TAMM41: variants seen among roughly 807,000 people sequenced by gnomAD.
The protein encoded by TAMM41 is phosphatidate cytidylyltransferase, mitochondrial.
Under a neutral mutation model 44.1 loss-of-function variants are expected in TAMM41, and 36 were observed. The observed-to-expected ratio is 0.82, with a 90% CI of 0.63 to 1.08. The LOEUF (loss-of-function observed/expected upper bound fraction) is 1.08, where lower values mean the gene tolerates loss of function less well. Ranked by LOEUF, TAMM41 falls within the 50% of genes least tolerant of loss-of-function variation. The pLI is 0.00. For missense variants in TAMM41, 417 were observed against 404.3 expected (o/e 1.03, Z -0.27); for synonymous variants, 164 against 153.1 (o/e 1.07, Z -0.53).
chr3:11,839,879 G>GT (rs1248564503), intron 2 of TAMM41, among the ~76,000 whole-genome samples: 2 of 152,074 alleles, frequency 1.3e-5, no homozygotes, highest in Non-Finnish European at 2.9e-5. Context: ...CAAGACTTGT[G>GT]AGTTCTCCAA....
At chr3:11,755,543 G>A in the TAMM41 span, among the ~76,000 whole-genome samples, 5 of 152,170 alleles carry the variant, frequency 3.3e-5, no homozygotes, top group African/African-American at 7.2e-5. Context: ...GAATTCACAC[G>A]AGGAGAACTG....
chr3:11,815,485 C>A (rs906203339), intron 5 of TAMM41, among the ~76,000 whole-genome samples: 2 of 152,150 alleles, frequency 1.3e-5, no homozygotes, highest in Non-Finnish European at 2.9e-5. Context: ...AAAAATAAGA[C>A]AACTATTAAC....
chr3:11,839,765 A>G (rs1369120762), intron 2 of TAMM41, among the ~76,000 whole-genome samples: 2 of 152,206 alleles, frequency 1.3e-5, no homozygotes, highest in Admixed American at 1.3e-4. Flanking sequence ...AAAACTAATG[A>G]AAGTCCACAA....
At chr3:11,761,855 G>A in the TAMM41 span, among the ~76,000 whole-genome samples, 1 of 150,592 alleles carries the variant, frequency 6.6e-6, no homozygotes, top group Non-Finnish European at 1.5e-5. Flanking sequence ...GCTGAGGCAG[G>A]GGAATCACTT....
At chr3:11,803,155 C>G (rs1174126458) in intron 7 of TAMM41, among the ~76,000 whole-genome samples, 1 of 152,148 alleles carries the variant, frequency 6.6e-6, no homozygotes, top group Non-Finnish European at 1.5e-5. Context: ...GCCTGTAGTC[C>G]CAGCTACTCG....
chr3:11,831,797 T>C (rs2078991366), intron 3 of TAMM41, among the ~76,000 whole-genome samples: 1 of 152,230 alleles, frequency 6.6e-6, no homozygotes, highest in Non-Finnish European at 1.5e-5. Context: ...TTACCTTTTT[T>C]CCCTACTTTT....
chr3:11,764,165 G>A, the TAMM41 span, among the ~76,000 whole-genome samples: 141 of 151,978 alleles, frequency 9.3e-4, 1 homozygote, highest in East Asian at 0.025. Flanking sequence ...CACCATGCCC[G>A]GCTAATTTTT....
intron 3 of TAMM41, among the ~76,000 whole-genome samples, chr3:11,838,785 T>C (rs1379433722): frequency 6.6e-6 from 1 of 152,000 alleles, no homozygotes; most frequent in East Asian, 1.9e-4. Context: ...CCAGCCCTTT[T>C]CCCCTCTGTG....
At chr3:11,789,815 CAG>C (rs1209112208), downstream of TAMM41, among the ~76,000 whole-genome samples, 1 of 152,212 alleles carries the variant, frequency 6.6e-6, no homozygotes, top group Non-Finnish European at 1.5e-5. Context: ...AGTCTCATGA[CAG>C]AGCAAAGCCA....
intron 3 of TAMM41, among the ~76,000 whole-genome samples, chr3:11,834,350 A>T (rs2079094629): frequency 6.6e-6 from 1 of 152,250 alleles, no homozygotes; most frequent in Non-Finnish European, 1.5e-5. Flanking sequence ...ACTGCATGTC[A>T]ATATAAATGT....
In TAMM41 at chr3:11,839,274, T is replaced by C; in HGVS notation, c.359A>G (p.Glu120Gly). The change falls in exon 3 of 8, where the codon GAA (glutamate) becomes GGA (glycine). Residue 120 changes from glutamate (E) to glycine (G), a missense_variant. By Grantham distance (98) the Glu-to-Gly change is moderately conservative. Transcript: ENST00000455809. The part of the protein sequence containing the change: ...YGVISTNVLI[E>G]DLLNWNNLYI... ...TAAGTTATTCCAGTTGAGGAGATCTTCAATCAGAACGTTAGTGCTAATAAC... is the reference window on the plus strand; with the variant it reads ...TAAGTTATTCCAGTTGAGGAGATCTCCAATCAGAACGTTAGTGCTAATAAC... 1 of 1,613,762 alleles carries C rather than the reference T, an allele frequency of 6.2e-7. No individual in the cohort carries two copies. Among genetic ancestry groups the C allele is most frequent in the Non-Finnish European group, 8.5e-7 (1 of 1,179,804 alleles).
the TAMM41 span, among the ~76,000 whole-genome samples, chr3:11,775,156 G>A: frequency 5.9e-5 from 9 of 152,112 alleles, no homozygotes; most frequent in African/African-American, 1.2e-4. Flanking sequence ...ATGAGCCACC[G>A]CGCCTGGCCT....
At chr3:11,764,064 C>T in the TAMM41 span, among the ~76,000 whole-genome samples, 1 of 152,016 alleles carries the variant, frequency 6.6e-6, no homozygotes, top group African/African-American at 2.4e-5. Flanking sequence ...GGTGAAGTGG[C>T]GTGATCTCAG....
the TAMM41 span, among the ~76,000 whole-genome samples, chr3:11,740,491 T>A: frequency 4.6e-5 from 7 of 152,218 alleles, no homozygotes; most frequent in African/African-American, 1.7e-4. Context: ...CCAGTTTTAC[T>A]TGAATTCATG....
At chr3:11,829,488 T>G (rs1218596007) in intron 4 of TAMM41, among the ~76,000 whole-genome samples, 1 of 152,074 alleles carries the variant, frequency 6.6e-6, no homozygotes, top group African/African-American at 2.4e-5. Flanking sequence ...AAAATAAAAA[T>G]TAACAAAAAC....
intron 5 of TAMM41, 121 bp downstream of exon 5, chr3:11,817,071 A>G: frequency 1.9e-6 from 2 of 1,035,720 alleles, no homozygotes; most frequent in Non-Finnish European, 2.8e-6. Context: ...GTTTACATAC[A>G]GTACTTACTT....
chr3:11,751,723 T>C, the TAMM41 span, among the ~76,000 whole-genome samples: 5 of 152,200 alleles, frequency 3.3e-5, no homozygotes, highest in Non-Finnish European at 5.9e-5. Flanking sequence ...AGGCCTTAGA[T>C]TGTGAAACTC....
the TAMM41 span, among the ~76,000 whole-genome samples, chr3:11,770,344 G>T: frequency 1.1e-4 from 16 of 152,194 alleles, no homozygotes; most frequent in South Asian, 1.7e-3. Flanking sequence ...GCTGACCGGG[G>T]GTGTCTGGTC....
chr3:11,773,900 C>G, the TAMM41 span, among the ~76,000 whole-genome samples: 1 of 152,048 alleles, frequency 6.6e-6, no homozygotes, highest in African/African-American at 2.4e-5. Context: ...ACCAGCCTGG[C>G]CAACATGGCG....
Sources: gnomAD v4.1 joint callset for allele counts (sites outside exome capture counted in the v4.1 genomes callset) on GRCh38, gnomAD v4.1.1 for gene constraint, MANE v1.5 for transcripts, NCBI Gene and HGNC (gene_info 2026-07-23, HGNC 2026-07-21) for gene names.